Variants in RAPGEFL1 observed in about 807,000 individuals in gnomAD.
The protein encoded by RAPGEFL1 is Rap guanine nucleotide exchange factor like 1.
In RAPGEFL1, 31 loss-of-function variants were observed where a neutral mutation model predicts 64.4. The ratio of observed to expected loss-of-function variants is 0.48; its 90% CI spans 0.36 to 0.65. The LOEUF (loss-of-function observed/expected upper bound fraction) is 0.65. Among genes scored for constraint, RAPGEFL1 ranks in the 30% least tolerant of loss-of-function variants. RAPGEFL1 has a pLI of 0.00. For missense variants in RAPGEFL1, 682 were observed against 677.4 expected (o/e 1.01, Z -0.08); for synonymous variants, 331 against 274.1 (o/e 1.21, Z -2.05).
At position 40,191,975 on chromosome 17, in the gene RAPGEFL1, T is replaced by G. The variant is rs1324340848; in HGVS notation, c.1606-238T>G. Among the ~76,000 whole-genome samples, 1 of 152,226 alleles carries G rather than the reference T, an allele frequency of 6.6e-6. No individual in the cohort carries two copies. Among genetic ancestry groups the G allele is most frequent in the Non-Finnish European group, 1.5e-5 (1 of 68,044 alleles). On this transcript the variant is annotated intron_variant, in intron 10 of 14. Coordinates refer to ENST00000620260, the MANE Select transcript of RAPGEFL1 (RefSeq NM_016339.6). This position sits in a 1 kb window ranked among gnomAD's most constrained non-coding sequence, Gnocchi z 5.1. ...TCCACACTCAGTGGGGGCATCTTTA[T>G]ACAAAGCACCTGCATAAGACAGACC...
chr17:40,179,300 T>C (rs1178735047), intron 1 of RAPGEFL1, among the ~76,000 whole-genome samples: 1 of 152,184 alleles, frequency 6.6e-6, no homozygotes, highest in African/African-American at 2.4e-5. Context: ...ACTCCTGACC[T>C]CGTGATCCAC....
chr17:40,177,420 G>C (rs1314469256), upstream of RAPGEFL1: 2 of 684,188 alleles, frequency 2.9e-6, no homozygotes, highest in Non-Finnish European at 5.3e-6. Context: ...AAGGGTAGGG[G>C]CGGGGACTGG....
intron 8 of RAPGEFL1, 58 bp downstream of exon 8, chr17:40,190,820 AGAC>A (rs1261281401): frequency 6.2e-7 from 1 of 1,600,544 alleles, no homozygotes; most frequent in Non-Finnish European, 8.5e-7. Flanking sequence ...TGCCATTGGG[AGAC>A]GGTGTTCGCA....
In RAPGEFL1 at chr17:40,194,948, CCT is replaced by C. The variant is rs2145232885; in HGVS notation, c.*1164_*1165del. 1 of 152,798 alleles carries C rather than the reference CCT, an allele frequency of 6.5e-6. No individual in the cohort carries two copies. The highest frequency in any genetic ancestry group is 1.5e-5 in the Non-Finnish European group (1 of 68,064). 9.5% of individuals were successfully genotyped at this position (152,798 alleles called of 1,614,324 possible). On this transcript the variant is annotated 3_prime_UTR_variant, in exon 15 of 15. Transcript: ENST00000620260. ...GGCCTTTATTACCTTTACTCCCCTC[CCT>C]CTCCCATCACCAGCCTCAAGGCCTG...
intron 5 of RAPGEFL1, 70 bp from the exon 6 acceptor site, chr17:40,189,138 C>T (rs1990175636): frequency 6.5e-7 from 1 of 1,546,622 alleles, no homozygotes; most frequent in Non-Finnish European, 8.9e-7. Context: ...ATAGAGGCAC[C>T]CTGGAGGAGA....
intron 2 of RAPGEFL1, among the ~76,000 whole-genome samples, chr17:40,182,619 G>A (rs1989928753): frequency 6.6e-6 from 1 of 152,192 alleles, no homozygotes; most frequent in African/African-American, 2.4e-5. Context: ...CAGCCAAGGT[G>A]TTATTATTCT....
In RAPGEFL1 at chr17:40,190,419, C is replaced by T; in HGVS notation, c.1115-15C>T. 3 of 1,612,708 alleles carry T rather than the reference C, an allele frequency of 1.9e-6. No individual in the cohort carries two copies. Among genetic ancestry groups the T allele is most frequent in the Non-Finnish European group, 2.5e-6 (3 of 1,178,714 alleles). On this transcript the variant is annotated splice_polypyrimidine_tract_variant and intron_variant, in intron 6 of 14. Transcript: ENST00000620260. Reference sequence around the variant, plus strand: ...GGCGGCAGGGGCCGAGGATGAGCAGCTCTTTCTCCTGCAGAGAAGGTCCTT... The same window carrying T: ...GGCGGCAGGGGCCGAGGATGAGCAGTTCTTTCTCCTGCAGAGAAGGTCCTT...
intron 4 of RAPGEFL1, among the ~76,000 whole-genome samples, chr17:40,185,349 T>C (rs1331349699): frequency 6.6e-6 from 1 of 151,958 alleles, no homozygotes; most frequent in African/African-American, 2.4e-5. Context: ...GCACAGGCTG[T>C]TATGTAGTAT....
At chr17:40,181,380 GC>G (rs769981051) in intron 1 of RAPGEFL1, 45 of 629,576 alleles carry the variant, frequency 7.1e-5, no homozygotes, top group East Asian at 1.6e-4. Flanking sequence ...AAAGGCACGC[GC>G]CCCCCCCTTC....
chr17:40,178,787 C>A (rs1989804818), intron 1 of RAPGEFL1, among the ~76,000 whole-genome samples: 2 of 152,216 alleles, frequency 1.3e-5, no homozygotes, highest in African/African-American at 4.8e-5. Flanking sequence ...GCCCTGAAAA[C>A]CCTGGGGTCC....
At position 40,193,397 on chromosome 17, in the gene RAPGEFL1, A is replaced by G. The variant is rs1399978403; in HGVS notation, c.1844A>G (p.Lys615Arg). 2 of 1,614,062 alleles carry G rather than the reference A, an allele frequency of 1.2e-6. No homozygotes were observed. Among genetic ancestry groups the G allele is most frequent in the East Asian group, 2.2e-5 (1 of 44,892 alleles). Residue 615 changes from lysine (K) to arginine (R), a missense_variant, in exon 14 of 15, where the codon AAA (lysine) becomes AGA (arginine). By Grantham distance (26) the Lys-to-Arg change is conservative. This residue lies in a region of RAPGEFL1 where 411 missense variants were observed against 519.4 expected (regional missense o/e 0.79). Transcript: ENST00000620260. Reference sequence around the variant, plus strand: ...GCCGAAAAAGTGAGGACAATCCGCAAATACCGGAGCCGGCCCCTTTGTGAG... The same window carrying G: ...GCCGAAAAAGTGAGGACAATCCGCAGATACCGGAGCCGGCCCCTTTGTGAG... ...SVAEKVRTIRKYRSRPLCLDM... is the reference protein window; with the variant it reads ...SVAEKVRTIRRYRSRPLCLDM...
chr17:40,195,154 A>AT lies in RAPGEFL1; in HGVS notation c.*1372dup, dbSNP rs1277207007. The AT allele has an allele frequency of 1.3e-5, 2 of 152,282 alleles. No individual in the cohort carries two copies. Among genetic ancestry groups the AT allele is most frequent in the African/African-American group, 4.8e-5 (2 of 41,444 alleles). The allele number at this position is 152,282 out of a possible 1,614,324, so 9.4% of individuals were successfully genotyped here. On this transcript the variant is annotated 3_prime_UTR_variant, in exon 15 of 15. Coordinates refer to ENST00000620260, the MANE Select transcript of RAPGEFL1 (RefSeq NM_016339.6). The stretch of plus-strand genomic sequence containing the variant: ...CCCAAAGCTCTGGAATTGTACATTT[A>AT]TTTTTTAAAACTCAAAGAGGGAAAG...
chr17:40,184,087 G>A (rs1358018446), intron 2 of RAPGEFL1, 127 bp from the exon 3 acceptor site: 27 of 760,706 alleles, frequency 3.5e-5, no homozygotes, highest in Non-Finnish European at 4.4e-5. Context: ...CAGGTGATCC[G>A]CCCGCCTCAG....
In RAPGEFL1 at chr17:40,189,073, G is replaced by A. The variant is rs1167362479; in HGVS notation, c.946+95G>A. 6 of 1,463,010 alleles carry A rather than the reference G, an allele frequency of 4.1e-6. No homozygotes were observed. In the African/African-American group the frequency reaches 7.0e-5, roughly 17 times the overall value. The allele number at this position is 1,463,010 out of a possible 1,614,324, so 90.6% of individuals were successfully genotyped here. ...CACCCTCAGTGGCATCTCCCTGGGT[G>A]GTAGAACCAGCCCCTTTCACAGGAC... On this transcript the variant is annotated intron_variant, in intron 5 of 14. Coordinates refer to ENST00000620260, the MANE Select transcript of RAPGEFL1 (RefSeq NM_016339.6).
At chr17:40,185,889 AGGAGAT>A (rs1990054615) in intron 4 of RAPGEFL1, among the ~76,000 whole-genome samples, 1 of 150,980 alleles carries the variant, frequency 6.6e-6, no homozygotes, top group South Asian at 2.1e-4. Flanking sequence ...GCTTGAACCC[AGGAGAT>A]GGAGGTTGCA....
rs766042114 is a variant in RAPGEFL1 at position 40,184,242 on chromosome 17, C to T, written c.628C>T (p.Pro210Ser). Residue 210 changes from proline (P) to serine (S), a missense_variant, in exon 3 of 15, where the codon CCT becomes TCT. Coordinates refer to ENST00000620260, the MANE Select transcript of RAPGEFL1 (RefSeq NM_016339.6). ...YFVRAGGMEG[P>S]EGLGRKQACL... is the part of the protein sequence containing the mutation. ...TGTTCGGGCAGGAGGCATGGAGGGC[C>T]CTGAAGGGCTGGGCCGGAAGCAAGC... The T allele has an allele frequency of 6.2e-7, 1 of 1,613,568 alleles. No homozygotes were observed. The highest frequency in any genetic ancestry group is 1.1e-5 in the South Asian group (1 of 91,068).
chr17:40,188,866 G>A lies in RAPGEFL1; in HGVS notation c.834G>A (p.Lys278=), dbSNP rs372844340. 1.2e-6 allele frequency: 2 copies of A among 1,613,894 alleles called. No individual in the cohort carries two copies. The highest frequency in any genetic ancestry group is 2.2e-5 in the East Asian group (1 of 44,866). The change falls in exon 5 of 15, where the codon AAG becomes AAA. Residue 278 remains lysine (K), a splice_region_variant and synonymous_variant. Coordinates refer to ENST00000620260, the MANE Select transcript of RAPGEFL1 (RefSeq NM_016339.6). ...TGATGCCCAGCTGTGTCCATGCCAG[G>A]ATTCCAGAGGAGAACCAGCCACCCA... ...LHQLVETVEL[K]IPEENQPPSK...
At chr17:40,181,341 T>C in intron 1 of RAPGEFL1, 1 of 576,540 alleles carries the variant, frequency 1.7e-6, no homozygotes, top group Non-Finnish European at 3.3e-6. Context: ...ACTTCCCACA[T>C]ACGCTGAAGA....
chr17:40,192,512 T>C, intron 11 of RAPGEFL1, 94 bp from the exon 12 acceptor site: 1 of 1,124,388 alleles, frequency 8.9e-7, no homozygotes, highest in Non-Finnish European at 1.3e-6. Context: ...TGATCAGGAA[T>C]GTATACAAGG....
Sources: gnomAD v4.1 joint callset for allele counts (sites outside exome capture counted in the v4.1 genomes callset) on GRCh38, gnomAD v4.1.1 for gene constraint, gnomAD v4.1.1 regional missense constraint, Gnocchi (gnomAD v3.1) non-coding constraint, MANE v1.5 for transcripts, NCBI Gene and HGNC (gene_info 2026-07-23, HGNC 2026-07-21) for gene names.